Variants in RNF138 observed in about 807,000 individuals in gnomAD.
RNF138 encodes E3 ubiquitin-protein ligase RNF138.
A neutral mutation model predicts 31.0 loss-of-function variants in RNF138; 12 were observed. The observed-to-expected ratio is 0.39, with a 90% CI of 0.25 to 0.63. The LOEUF is 0.63. RNF138 is among the 20% of genes least tolerant of loss of function. The pLI is 0.52. For synonymous variants in RNF138, 105 were observed against 99.5 expected (o/e 1.06, Z -0.33); for missense variants, 192 against 300.1 (o/e 0.64, Z 2.66).
intron 2 of RNF138, among the ~76,000 whole-genome samples, chr18:32,108,509 C>T (rs1444942478): frequency 6.6e-6 from 1 of 152,124 alleles, no homozygotes; most frequent in Non-Finnish European, 1.5e-5. Context: ...TTTTCATTCT[C>T]AATACATCAT....
intron 3 of RNF138, among the ~76,000 whole-genome samples, chr18:32,112,253 C>G (rs888651330): frequency 1.3e-5 from 2 of 152,170 alleles, no homozygotes; most frequent in East Asian, 3.8e-4. Flanking sequence ...TACAAATTCA[C>G]CCCTTAAGTT....
intron 2 of RNF138, among the ~76,000 whole-genome samples, chr18:32,105,537 T>C (rs1399440608): frequency 6.6e-6 from 1 of 152,228 alleles, no homozygotes; most frequent in African/African-American, 2.4e-5. Flanking sequence ...ATCAGTAAGA[T>C]AGTATTTGGG....
intron 2 of RNF138, among the ~76,000 whole-genome samples, chr18:32,109,873 G>A (rs892065661): frequency 5.3e-5 from 8 of 152,302 alleles, no homozygotes; most frequent in Non-Finnish European, 1.2e-4. Context: ...GCGACAGAGC[G>A]AGGCTCTGTC....
chr18:32,092,818 T>C lies in RNF138; in HGVS notation c.42T>C (p.Asp14=). ...CTGCGGCCACGTCCTACACCGAAGA[T>C]GATTTCTACTGCCCCGTCTGTCAGG... ...DLSAATSYTE[D]DFYCPVCQEV... is the part of the protein sequence containing the mutation. Residue 14 remains aspartate, a synonymous_variant, in exon 2 of 8, where the codon GAT becomes GAC. Transcript: ENST00000261593. 6.3e-7 allele frequency: 1 copy of C among 1,599,788 alleles called. No individual in the cohort carries two copies. The highest frequency in any genetic ancestry group is 1.1e-5 in the South Asian group (1 of 88,404).
rs1453619232 is a variant in RNF138 at position 32,092,698 on chromosome 18, A to T, written c.-77-2A>T. On this transcript the variant is annotated splice_acceptor_variant, in intron 1 of 7. Transcript: ENST00000261593. LOFTEE classifies it low-confidence loss of function (5UTR_SPLICE). ...CCCCCTCCCCCCTCCGGGTTCATGT[A>T]GGGAGTCGGGCCCCGGGCCGCCACC... The T allele has an allele frequency of 2.5e-6, 2 of 810,394 alleles. No individual in the cohort carries two copies. Among genetic ancestry groups the T allele is most frequent in the Non-Finnish European group, 4.1e-6 (2 of 487,846 alleles). 50.2% of individuals were successfully genotyped at this position (810,394 alleles called of 1,614,324 possible).
intron 2 of RNF138, among the ~76,000 whole-genome samples, chr18:32,102,650 T>G (rs75579957): frequency 6.6e-6 from 1 of 151,982 alleles, no homozygotes; most frequent in Non-Finnish European, 1.5e-5. Flanking sequence ...CTTTTTTTTT[T>G]GAGAAATAGT....
chr18:32,097,979 A>G (rs375835981), intron 2 of RNF138, among the ~76,000 whole-genome samples: 3,316 of 108,780 alleles, frequency 0.03, 48 homozygotes, highest in Non-Finnish European at 0.043. Flanking sequence ...TGTGTGTGTT[A>G]TTTTTGTTTG....
chr18:32,111,258 G>A (rs1160064915), intron 2 of RNF138, among the ~76,000 whole-genome samples: 1 of 152,150 alleles, frequency 6.6e-6, no homozygotes, highest in Non-Finnish European at 1.5e-5. Flanking sequence ...ACCAATTTGT[G>A]TGCTCTTTTG....
rs1207375836 is a variant in RNF138, at chr18:32,111,892, T to A, written c.249T>A (p.Ser83=). 3.7e-6 allele frequency: 6 copies of A among 1,613,248 alleles called. No homozygotes were observed. Among genetic ancestry groups the A allele is most frequent in the Non-Finnish European group, 5.1e-6 (6 of 1,179,710 alleles). Residue 83 remains serine (S), a synonymous_variant, in exon 3 of 8, where the codon TCT becomes TCA. Coordinates refer to ENST00000261593, the MANE Select transcript of RNF138 (RefSeq NM_016271.5). ...LDLENIMRKF[S]GSCRCCAKQI... ...TTGAAAATATAATGAGGAAGTTTTCTGGTAGCTGCAGATGCTGTGCAAAAC... is the reference window on the plus strand; with the variant it reads ...TTGAAAATATAATGAGGAAGTTTTCAGGTAGCTGCAGATGCTGTGCAAAAC...
intron 4 of RNF138, among the ~76,000 whole-genome samples, chr18:32,122,579 T>G (rs1378651644): frequency 6.6e-6 from 1 of 152,114 alleles, no homozygotes; most frequent in East Asian, 1.9e-4. Context: ...ATCGCAGCAG[T>G]TTGGGAGGCT....
At chr18:32,125,017 T>G in intron 6 of RNF138, 172 bp downstream of exon 6, 2 of 544,548 alleles carry the variant, frequency 3.7e-6, no homozygotes, top group Non-Finnish European at 6.6e-6. Flanking sequence ...AATGAGATAT[T>G]TAAAATTGCA....
chr18:32,128,663 A>C (rs146489940), intron 7 of RNF138, among the ~76,000 whole-genome samples: 1 of 152,266 alleles, frequency 6.6e-6, no homozygotes, highest in East Asian at 1.9e-4. Context: ...GATTAACTTC[A>C]GTTTTATTTT....
At chr18:32,117,317 A>C (rs374932978) in intron 4 of RNF138, among the ~76,000 whole-genome samples, 5 of 152,128 alleles carry the variant, frequency 3.3e-5, no homozygotes, top group Non-Finnish European at 7.3e-5. Flanking sequence ...TAAAGAGACT[A>C]TTTTCAAAGA....
intron 2 of RNF138, among the ~76,000 whole-genome samples, chr18:32,095,373 C>T (rs544677751): frequency 1.2e-4 from 18 of 152,168 alleles, no homozygotes; most frequent in Admixed American, 3.3e-4. Flanking sequence ...GGCCTCACTA[C>T]GTTGCCCAGT....
intron 4 of RNF138, among the ~76,000 whole-genome samples, chr18:32,117,805 T>C (rs1182103238): frequency 6.6e-6 from 1 of 152,224 alleles, no homozygotes; most frequent in Non-Finnish European, 1.5e-5. Flanking sequence ...AATAATTAGA[T>C]AGCAGTGCTA....
intron 2 of RNF138, among the ~76,000 whole-genome samples, chr18:32,099,178 C>T (rs1247917441): frequency 6.6e-6 from 1 of 152,016 alleles, no homozygotes; most frequent in Non-Finnish European, 1.5e-5. Flanking sequence ...ATGCCCTGTT[C>T]TGAAGATACG....
rs1373796814 is a variant in RNF138, at chr18:32,100,410, C to T, written c.110+7524C>T. The stretch of plus-strand genomic sequence containing the variant: ...GACCTCTCTGGGCTCAAGTAATCCC[C>T]CTTTAGCCTTCCCAGTAGCTGGGAC... On this transcript the variant is annotated intron_variant, in intron 2 of 7. Transcript: ENST00000261593. 2.0e-5 allele frequency among the ~76,000 whole-genome samples: 3 copies of T among 151,358 alleles called. No individual in the cohort carries two copies. In the East Asian group the frequency reaches 5.8e-4, roughly 29 times the overall value.
Position 32,092,723 on chromosome 18 carries a change from C to T in RNF138, c.-54C>T, listed in dbSNP as rs911681488. ...AGGGAGTCGGGCCCCGGGCCGCCAC[C>T]GTCACCTCGGCCGCTGCCGCTGTCG... On this transcript the variant is annotated 5_prime_UTR_variant, in exon 2 of 8. Transcript: ENST00000261593. 5.1e-5 allele frequency: 61 copies of T among 1,187,302 alleles called. No homozygotes were observed. The highest frequency in any genetic ancestry group is 6.4e-5 in the Non-Finnish European group (53 of 829,306). The allele number at this position is 1,187,302 out of a possible 1,614,324, so 73.5% of individuals were successfully genotyped here. A position where few individuals can be genotyped will look rare whatever the true frequency, so the allele number is the denominator to read the frequency against.
At chr18:32,123,725 T>C (rs1282110364) in intron 5 of RNF138, 151 bp downstream of exon 5, 1 of 484,864 alleles carries the variant, frequency 2.1e-6, no homozygotes, top group Non-Finnish European at 3.5e-6. Context: ...CGATCTTGGC[T>C]CACTGCAACC....
Sources: allele counts gnomAD v4.1 joint callset (sites outside exome capture counted in the v4.1 genomes callset), GRCh38; gene constraint gnomAD v4.1.1; transcripts MANE v1.5; gene names NCBI Gene and HGNC (gene_info 2026-07-23, HGNC 2026-07-21).